Variants in SLC16A3 observed in about 807,000 individuals in gnomAD.
The protein encoded by SLC16A3 is solute carrier family 16 member 3.
In SLC16A3, 22 loss-of-function variants were observed where a neutral mutation model predicts 25.0. The ratio of observed to expected loss-of-function variants is 0.88; its 90% CI spans 0.63 to 1.26. The LOEUF (loss-of-function observed/expected upper bound fraction) is 1.26. SLC16A3 is among the 50% of genes most tolerant of loss of function. The probability of loss-of-function intolerance (pLI) is 0.00; values close to 1 mark genes in which losing one functional copy is unlikely to be tolerated. For synonymous variants in SLC16A3, 390 were observed against 309.2 expected, an observed-to-expected ratio of 1.26 and a Z score of -2.74; for missense variants, 731 against 666.6, an observed-to-expected ratio of 1.10 and a Z score of -1.06.
At position 82,218,652 on chromosome 17, in the gene SLC16A3, T is replaced by A. The variant is rs111590230; in HGVS notation, c.-27+468T>A. On this transcript the variant is annotated intron_variant, in intron 1 of 4. Transcript: ENST00000580098. ...ACCAAAGCAGGTGATACCTGAATGA[T>A]GTTCTAGGCCAAGGAAGAGAGGACA... 1.8e-3 allele frequency among the ~76,000 whole-genome samples: 275 copies of A among 152,248 alleles called. 3 individuals carry two copies. The highest frequency in any genetic ancestry group is 6.3e-3 in the African/African-American group (261 of 41,540).
Position 82,239,174 on chromosome 17 carries a change from G to C in SLC16A3, c.*198G>C. On this transcript the variant is annotated 3_prime_UTR_variant, in exon 5 of 5. Transcript: ENST00000582743. ...CGTGTCATTCCAGAGTGGATCTGCGGTGAAGCCAAGCCGCAAGGTTACAAG... is the reference window on the plus strand; with the variant it reads ...CGTGTCATTCCAGAGTGGATCTGCGCTGAAGCCAAGCCGCAAGGTTACAAG... The C allele has an allele frequency of 7.8e-6, 4 of 514,368 alleles. No individual in the cohort carries two copies. The South Asian group carries it at 1.6e-4, about 21-fold the overall frequency. 31.9% of individuals were successfully genotyped at this position (514,368 alleles called of 1,614,324 possible).
chr17:82,232,926 G>GGGA (rs1486418222), intron 1 of SLC16A3, among the ~76,000 whole-genome samples: 1 of 151,214 alleles, frequency 6.6e-6, no homozygotes, highest in East Asian at 2.0e-4. Context: ...GGCGGGGGGG[G>GGGA]GGTTGGTAAA....
At chr17:82,232,125 C>T (rs1222055901) in intron 1 of SLC16A3, 3 of 152,296 alleles carry the variant, frequency 2.0e-5, no homozygotes, top group African/African-American at 7.2e-5. Context: ...CTTCCTTGGT[C>T]CTCAGGCAGC....
At chr17:82,234,043 T>G (rs541298735) in intron 1 of SLC16A3, 8 of 56,882 alleles carry the variant, frequency 1.4e-4, no homozygotes, top group Non-Finnish European at 3.6e-4. Flanking sequence ...GGTTTCACCG[T>G]GTTAGCCAGG....
chr17:82,233,400 C>T (rs2050532218), intron 1 of SLC16A3, among the ~76,000 whole-genome samples: 1 of 152,190 alleles, frequency 6.6e-6, no homozygotes, highest in Non-Finnish European at 1.5e-5. Context: ...CTGTGCTCTC[C>T]TGGTCAGTGA....
intron 2 of SLC16A3, 53 bp from the exon 3 acceptor site, chr17:82,236,676 C>A (rs778888046): frequency 1.3e-6 from 2 of 1,576,060 alleles, no homozygotes; most frequent in East Asian, 2.3e-5. Context: ...AGTCGGCTGG[C>A]GGGGGTAGAG....
intron 4 of SLC16A3, 127 bp downstream of exon 4, chr17:82,238,020 C>CA (rs772959707): frequency 6.1e-5 from 71 of 1,170,656 alleles, no homozygotes; most frequent in Non-Finnish European, 8.2e-5. Context: ...GGAGGGGGTG[C>CA]ACTGTGCTGG....
chr17:82,238,131 C>T (rs1449374221), intron 4 of SLC16A3, among the ~76,000 whole-genome samples: 57 of 152,096 alleles, frequency 3.7e-4, no homozygotes, highest in Admixed American at 3.7e-3. Context: ...GGGGCTGGGC[C>T]CGGGGGGGGG....
At chr17:82,235,942 G>T in intron 1 of SLC16A3, 41 bp from the exon 2 acceptor site, 1 of 1,380,464 alleles carries the variant, frequency 7.2e-7, no homozygotes, top group South Asian at 1.2e-5. Flanking sequence ...CAGCTGGGAT[G>T]GTCACCCGGG....
Position 82,240,059 on chromosome 17 carries a change from T to A in SLC16A3, c.*1083T>A. The A allele has an allele frequency of 1.6e-6, 2 of 1,233,766 alleles. No individual in the cohort carries two copies. Among genetic ancestry groups the A allele is most frequent in the Non-Finnish European group, 2.0e-6 (2 of 987,882 alleles). 76.4% of individuals were successfully genotyped at this position (1,233,766 alleles called of 1,614,324 possible). On this transcript the variant is annotated 3_prime_UTR_variant, in exon 5 of 5. Coordinates refer to ENST00000582743, the MANE Select transcript of SLC16A3 (RefSeq NM_004207.4). ...AGCCGGAGAGATGCCATGTCCCTGC[T>A]CCTCTGCAATGAAAAGCAAGCGAAA...
intron 1 of SLC16A3, chr17:82,234,446 C>G (rs1293556748): frequency 2.0e-5 from 3 of 152,210 alleles, no homozygotes; most frequent in Non-Finnish European, 4.4e-5. Flanking sequence ...GTGGGGGGGT[C>G]TGTTCTGCTC....
chr17:82,238,886 G>C lies in SLC16A3; in HGVS notation c.1308G>C (p.Ser436=), dbSNP rs61730223. Residue 436 remains serine (S), a synonymous_variant, in exon 5 of 5, where the codon TCG becomes TCC. Coordinates refer to ENST00000582743, the MANE Select transcript of SLC16A3 (RefSeq NM_004207.4). The part of the protein sequence containing the change: ...EEKLHKPPAD[S]GVDLREVEHF... ...AGCTCCACAAGCCTCCTGCAGACTCGGGGGTGGACTTGCGGGAGGTGGAGC... is the reference window on the plus strand; with the variant it reads ...AGCTCCACAAGCCTCCTGCAGACTCCGGGGTGGACTTGCGGGAGGTGGAGC... 2 of 1,606,674 alleles carry C rather than the reference G, an allele frequency of 1.2e-6. No individual in the cohort carries two copies. The highest frequency in any genetic ancestry group is 1.7e-6 in the Non-Finnish European group (2 of 1,175,470).
intron 1 of SLC16A3, chr17:82,235,680 G>T (rs1449765750): frequency 2.3e-6 from 1 of 433,632 alleles, no homozygotes; most frequent in Non-Finnish European, 4.3e-6. Context: ...CGATGTTCCT[G>T]TCGGGGGCTG....
Position 82,238,902 on chromosome 17 carries a change from G to A in SLC16A3, c.1324G>A (p.Glu442Lys), listed in dbSNP as rs771896374. 1 of 1,600,684 alleles carries A rather than the reference G, an allele frequency of 6.2e-7. No homozygotes were observed. Among genetic ancestry groups the A allele is most frequent in the South Asian group, 1.1e-5 (1 of 89,898 alleles). Residue 442 changes from glutamate to lysine, a missense_variant, in exon 5 of 5, where the codon GAG becomes AAG. Glu to Lys is a moderately conservative substitution (Grantham distance 56, BLOSUM62 1). Transcript: ENST00000582743. ...TGCAGACTCGGGGGTGGACTTGCGG[G>A]AGGTGGAGCATTTCCTGAAGGCTGA... is the stretch of plus-strand genomic sequence containing the variant. The part of the protein sequence containing the change: ...PPADSGVDLR[E>K]VEHFLKAEPE...
chr17:82,236,937 T>TG (rs2050617916), intron 3 of SLC16A3, 65 bp downstream of exon 3: 7 of 1,580,716 alleles, frequency 4.4e-6, no homozygotes, highest in Non-Finnish European at 6.0e-6. Flanking sequence ...CTTCTGCTCC[T>TG]GGGTCCAGGC....
At chr17:82,235,904 C>A in intron 1 of SLC16A3, 79 bp from the exon 2 acceptor site, 1 of 975,380 alleles carries the variant, frequency 1.0e-6, no homozygotes, top group Non-Finnish European at 1.5e-6. Flanking sequence ...CCGGGCCACC[C>A]AGCTCGTGTC....
chr17:82,231,964 G>A (rs2050503437), intron 1 of SLC16A3: 1 of 152,342 alleles, frequency 6.6e-6, no homozygotes, highest in Non-Finnish European at 1.5e-5. Context: ...GGCGCCTGGG[G>A]CGGGGCTGCC....
intron 1 of SLC16A3, chr17:82,233,891 A>T (rs1300593958): frequency 6.6e-6 from 1 of 151,714 alleles, no homozygotes; most frequent in Non-Finnish European, 1.5e-5. Flanking sequence ...CCCAGGTTGG[A>T]GCGCAGTCGC....
rs748682914 is a variant in SLC16A3, at chr17:82,237,734, G to A, written c.964G>A (p.Val322Met). Residue 322 changes from valine to methionine, a missense_variant, in exon 4 of 5, where the codon GTG (valine) becomes ATG (methionine). Val to Met is a conservative substitution (Grantham distance 21). Coordinates refer to ENST00000582743, the MANE Select transcript of SLC16A3 (RefSeq NM_004207.4). ...GSTAGDYGGL[V>M]VFCIFFGISY... is the part of the protein sequence containing the mutation. ...TACGGCGGGCGACTACGGCGGCCTC[G>A]TGGTCTTCTGCATCTTCTTTGGCAT... 1.4e-5 allele frequency: 22 copies of A among 1,611,952 alleles called. No individual in the cohort carries two copies. The highest frequency in any genetic ancestry group is 4.4e-5 in the South Asian group (4 of 91,088).
Sources: allele counts gnomAD v4.1 joint callset (sites outside exome capture counted in the v4.1 genomes callset), GRCh38; gene constraint gnomAD v4.1.1; transcripts MANE v1.5; gene names NCBI Gene and HGNC (gene_info 2026-07-23, HGNC 2026-07-21).